MYO5A: variants seen among roughly 807,000 people sequenced by gnomAD.
The protein encoded by MYO5A is myosin VA.
A neutral mutation model predicts 249.7 loss-of-function variants in MYO5A; 98 were observed. The ratio of observed to expected loss-of-function variants is 0.39; its 90% confidence interval spans 0.33 to 0.46. The LOEUF (loss-of-function observed/expected upper bound fraction) is 0.46, where lower values mean the gene tolerates loss of function less well. Among genes scored for constraint, MYO5A ranks in the 20% least tolerant of loss-of-function variants. The pLI, the probability that MYO5A is intolerant of heterozygous loss-of-function variation, is 0.98. For missense variants in MYO5A, 1,696 were observed against 2,308.8 expected, an observed-to-expected ratio of 0.73 and a Z score of 5.44; for synonymous variants, 778 against 810.6, an observed-to-expected ratio of 0.96 and a Z score of 0.68.
intron 1 of MYO5A, among the ~76,000 whole-genome samples, chr15:52,459,853 G>A (rs1413500522): frequency 6.7e-6 from 1 of 150,114 alleles, no homozygotes; most frequent in Non-Finnish European, 1.5e-5. Flanking sequence ...TCCCAGATGG[G>A]GTGGCGGCCA....
chr15:52,436,256 C>T (rs867309756), intron 1 of MYO5A, among the ~76,000 whole-genome samples: 10 of 152,206 alleles, frequency 6.6e-5, no homozygotes, highest in Middle Eastern at 3.2e-3. Flanking sequence ...CATACAAATC[C>T]CTTACCATGT....
intron 1 of MYO5A, among the ~76,000 whole-genome samples, chr15:52,494,002 C>T (rs1189991088): frequency 3.3e-5 from 5 of 152,182 alleles, no homozygotes; most frequent in Admixed American, 6.5e-5. Flanking sequence ...ACGAGCACAG[C>T]AAGCTTCACT....
chr15:52,345,075 C>T (rs1253345572), intron 30 of MYO5A, among the ~76,000 whole-genome samples: 1 of 152,180 alleles, frequency 6.6e-6, no homozygotes, highest in Admixed American at 6.5e-5. Flanking sequence ...CCTTCAATAT[C>T]CATTGGGTTC....
chr15:52,313,727 C>G lies in MYO5A; in HGVS notation c.5612G>C (p.Ser1871Thr), dbSNP rs1016645704. ...LALETIQIPA[S>T]LGLGFISRV is the part of the protein sequence containing the mutation. ...CCGTGAAATGAAGCCCAGGCCGAGG[C>G]TGGCTGGAATCTGGATGGTTTCTAG... Residue 1871 changes from serine to threonine, a missense_variant, in exon 42 of 42, where the codon AGC (serine) becomes ACC (threonine). Coordinates refer to ENST00000399233, the MANE Select transcript of MYO5A (RefSeq NM_001382347.1). 17 of 1,614,008 alleles carry G rather than the reference C, an allele frequency of 1.1e-5. No individual in the cohort carries two copies. The highest frequency in any genetic ancestry group is 1.3e-5 in the Non-Finnish European group (15 of 1,180,048).
chr15:52,476,495 C>A (rs2076596418), intron 1 of MYO5A, among the ~76,000 whole-genome samples: 1 of 152,298 alleles, frequency 6.6e-6, no homozygotes, highest in South Asian at 2.1e-4. Context: ...CATCGATGGT[C>A]TTTACAATTT....
At chr15:52,493,701 C>T (rs1057508111) in intron 1 of MYO5A, among the ~76,000 whole-genome samples, 1 of 151,956 alleles carries the variant, frequency 6.6e-6, no homozygotes, top group Non-Finnish European at 1.5e-5. Context: ...AGCACTGATA[C>T]TTGCTTATAC....
Position 52,315,017 on chromosome 15 carries a change from T to A in MYO5A, c.5410-814A>T, listed in dbSNP as rs181033049. Among the ~76,000 whole-genome samples, 74 of 152,248 alleles carry A rather than the reference T, an allele frequency of 4.9e-4. 1 individual carries two copies. In the South Asian group the frequency reaches 0.012, roughly 24 times the overall value. ...ACCAGAGAACTAGAAAGTGGGCATG[T>A]TGTTATCAGGTCTGTGGGTGACAAA... On this transcript the variant is annotated intron_variant, in intron 40 of 41. Transcript: ENST00000399233.
At chr15:52,524,815 C>T (rs2246134) in intron 1 of MYO5A, among the ~76,000 whole-genome samples, 116,313 of 150,456 alleles carry the variant, frequency 0.77, 45,784 homozygotes, top group South Asian at 0.85. Context: ...CTACAGTGAG[C>T]CATGTTCATT....
At chr15:52,462,046 G>A (rs565714248) in intron 1 of MYO5A, among the ~76,000 whole-genome samples, 7 of 151,132 alleles carry the variant, frequency 4.6e-5, no homozygotes, top group South Asian at 4.2e-4. Context: ...GGCGGATCAC[G>A]AGGTCAGGAG....
intron 1 of MYO5A, among the ~76,000 whole-genome samples, chr15:52,472,098 G>A (rs1472432751): frequency 1.4e-5 from 2 of 144,986 alleles, no homozygotes; most frequent in African/African-American, 5.1e-5. Context: ...TTTTTTTTGA[G>A]ATGGAGTCTC....
At chr15:52,391,232 T>G (rs1362876438) in intron 12 of MYO5A, among the ~76,000 whole-genome samples, 1 of 152,184 alleles carries the variant, frequency 6.6e-6, no homozygotes, top group Non-Finnish European at 1.5e-5. Context: ...GAGTTTAAAT[T>G]TGCCTACTGG....
intron 1 of MYO5A, among the ~76,000 whole-genome samples, chr15:52,460,007 C>T (rs1298293019): frequency 1.3e-5 from 2 of 150,386 alleles, no homozygotes; most frequent in Non-Finnish European, 3.0e-5. Flanking sequence ...AGTTCCCAGA[C>T]GGGGTCGCGG....
At chr15:52,401,223 T>A (rs776108343) in intron 9 of MYO5A, among the ~76,000 whole-genome samples, 1 of 151,980 alleles carries the variant, frequency 6.6e-6, no homozygotes, top group South Asian at 2.1e-4. Context: ...GGCATACGCA[T>A]GATGTCCAGC....
chr15:52,412,131 G>A (rs2043276575), intron 5 of MYO5A, among the ~76,000 whole-genome samples: 1 of 152,172 alleles, frequency 6.6e-6, no homozygotes, highest in East Asian at 1.9e-4. Context: ...TGTAGTAGAA[G>A]TAGCAGCAGC....
chr15:52,396,248 T>G (rs983056335), intron 11 of MYO5A, 68 bp downstream of exon 11: 1 of 986,746 alleles, frequency 1.0e-6, no homozygotes, highest in African/African-American at 1.6e-5. Flanking sequence ...GATAAGCTTT[T>G]AAACAAAGAC....
chr15:52,438,674 T>C (rs1421112800), intron 1 of MYO5A, among the ~76,000 whole-genome samples: 4 of 152,226 alleles, frequency 2.6e-5, no homozygotes, highest in African/African-American at 7.2e-5. Flanking sequence ...TAATCATCTA[T>C]CGCCTAAGAG....
chr15:52,458,298 G>A (rs575937884), intron 1 of MYO5A, among the ~76,000 whole-genome samples: 9 of 152,290 alleles, frequency 5.9e-5, no homozygotes, highest in East Asian at 1.9e-4. Flanking sequence ...AAATGTGGCC[G>A]GGCACAGTGG....
intron 20 of MYO5A, among the ~76,000 whole-genome samples, chr15:52,374,317 C>T (rs1021906799): frequency 5.9e-5 from 9 of 152,158 alleles, no homozygotes; most frequent in Non-Finnish European, 1.3e-4. Flanking sequence ...TCCTCTTCAC[C>T]ATGGTAAATT....
chr15:52,526,961 GGAA>G (rs750535157), intron 1 of MYO5A, among the ~76,000 whole-genome samples: 3 of 152,014 alleles, frequency 2.0e-5, no homozygotes, highest in South Asian at 4.1e-4. Context: ...GGGCCACACT[GGAA>G]GAAGAATTTT....
Sources: gnomAD v4.1 joint callset for allele counts (sites outside exome capture counted in the v4.1 genomes callset) on GRCh38, gnomAD v4.1.1 for gene constraint, MANE v1.5 for transcripts, NCBI Gene and HGNC (gene_info 2026-07-23, HGNC 2026-07-21) for gene names.